The following NIPAL1 variants were observed in gnomAD, a reference collection of about 807,000 sequenced individuals.
The protein encoded by NIPAL1 is magnesium transporter NIPA3.
NIPAL1 carries 35 observed loss-of-function variants against 37.7 expected under a neutral mutation model. That is an observed-to-expected ratio of 0.93 (90% confidence interval 0.71 to 1.23). The LOEUF is 1.23. Ranked by LOEUF, NIPAL1 falls within the 50% of genes most tolerant of loss-of-function variation. The pLI is 0.00. For synonymous variants in NIPAL1, 162 were observed against 183.0 expected (o/e 0.89, Z 0.93); for missense variants, 412 against 473.9 (o/e 0.87, Z 1.21).
At chr4:48,030,001 T>C (rs1715784621) in intron 2 of NIPAL1, 119 bp from the exon 3 acceptor site, 1 of 573,080 alleles carries the variant, frequency 1.7e-6, no homozygotes, top group East Asian at 3.0e-5. Flanking sequence ...TAAGAGACTT[T>C]AGATTTACTG....
chr4:48,035,292 C>G (rs921056159), intron 5 of NIPAL1, among the ~76,000 whole-genome samples: 1 of 152,172 alleles, frequency 6.6e-6, no homozygotes, highest in Non-Finnish European at 1.5e-5. Flanking sequence ...TATTCAAAAT[C>G]AAATCTTTGC....
At chr4:48,029,471 T>A (rs1577625472) in intron 2 of NIPAL1, among the ~76,000 whole-genome samples, 1 of 152,308 alleles carries the variant, frequency 6.6e-6, no homozygotes, top group South Asian at 2.1e-4. Flanking sequence ...AAATACTACC[T>A]GTTGGGTTCA....
Position 48,039,052 on chromosome 4 carries a change from CT to C in NIPAL1, c.*2881del, listed in dbSNP as rs1209682871. The stretch of plus-strand genomic sequence containing the variant: ...AAAAAATGTTGTTGCAAATCTAACA[CT>C]AAAAAATTTTTGACTGGGTGCAGTG... On this transcript the variant is annotated 3_prime_UTR_variant, in exon 6 of 6. Coordinates refer to ENST00000295461, the MANE Select transcript of NIPAL1 (RefSeq NM_207330.3). The C allele has an allele frequency of 1.3e-5, 2 of 152,088 alleles. No homozygotes were observed. The highest frequency in any genetic ancestry group is 4.8e-5 in the African/African-American group (2 of 41,482). The allele number at this position is 152,088 out of a possible 1,614,324, so 9.4% of individuals were successfully genotyped here.
At chr4:48,023,046 T>C (rs897607439) in intron 1 of NIPAL1, among the ~76,000 whole-genome samples, 4 of 152,086 alleles carry the variant, frequency 2.6e-5, no homozygotes, top group Non-Finnish European at 5.9e-5. Context: ...ACTTTGAGTT[T>C]ATTCTGGATT....
chr4:48,018,930 C>G (rs1205642107), intron 1 of NIPAL1, among the ~76,000 whole-genome samples: 1 of 152,192 alleles, frequency 6.6e-6, no homozygotes, highest in Non-Finnish European at 1.5e-5. Flanking sequence ...AGCTGAGACC[C>G]AAATGACAAG....
At chr4:48,023,684 G>C (rs1049538900) in intron 1 of NIPAL1, among the ~76,000 whole-genome samples, 5 of 152,034 alleles carry the variant, frequency 3.3e-5, no homozygotes, top group Admixed American at 6.6e-5. Flanking sequence ...AGTGTAAAAC[G>C]TTTTCATTTT....
At chr4:48,020,143 C>A (rs778849957) in intron 1 of NIPAL1, among the ~76,000 whole-genome samples, 1 of 152,070 alleles carries the variant, frequency 6.6e-6, no homozygotes, top group Non-Finnish European at 1.5e-5. Context: ...GTACACCATA[C>A]ATATTTGTTG....
In NIPAL1 at chr4:48,016,872, G is replaced by C. The variant is rs1296649346; in HGVS notation, c.33G>C (p.Glu11Asp). 13 of 1,595,288 alleles carry C rather than the reference G, an allele frequency of 8.1e-6. No homozygotes were observed. The highest frequency in any genetic ancestry group is 1.1e-5 in the Non-Finnish European group (13 of 1,173,570). MGAQVRLPPG[E>D]PCREGYVLSL... ...CACAGGTGAGGCTGCCGCCCGGAGA[G>C]CCCTGCCGAGAAGGTTTGTGTCTGC... is the stretch of plus-strand genomic sequence containing the variant. The change falls in exon 1 of 6, where the codon GAG (glutamate) becomes GAC (aspartate). Residue 11 changes from glutamate to aspartate, a missense_variant. Glu to Asp is a conservative substitution (Grantham distance 45). Transcript: ENST00000295461.
chr4:48,032,864 C>T (rs898751478), intron 3 of NIPAL1, 129 bp from the exon 4 acceptor site: 3 of 590,612 alleles, frequency 5.1e-6, no homozygotes, highest in Non-Finnish European at 3.1e-6. Context: ...AAACATGTTA[C>T]ATCATTCTTT....
Position 48,035,603 on chromosome 4 carries a change from G to C in NIPAL1, c.664G>C (p.Val222Leu). Residue 222 changes from valine to leucine, a missense_variant, in exon 6 of 6, where the codon GTG (valine) becomes CTG (leucine). Val to Leu is a conservative substitution (Grantham distance 32). Coordinates refer to ENST00000295461, the MANE Select transcript of NIPAL1 (RefSeq NM_207330.3). Reference sequence around the variant, plus strand: ...TGTGATCATAACTGTGATCTCCTTGGTGCTGATTTTGATTGTGGCTCCCAA... The same window carrying C: ...TGTGATCATAACTGTGATCTCCTTGCTGCTGATTTTGATTGTGGCTCCCAA... ...FAVIITVISLVLILIVAPKKG... is the reference protein window; with the variant it reads ...FAVIITVISLLLILIVAPKKG... 6.2e-7 allele frequency: 1 copy of C among 1,613,262 alleles called. No homozygotes were observed. Among genetic ancestry groups the C allele is most frequent in the Non-Finnish European group, 8.5e-7 (1 of 1,179,678 alleles).
In NIPAL1 at chr4:48,039,586, A is replaced by T. The variant is rs1716035615; in HGVS notation, c.*3414A>T. 1 of 152,236 alleles carries T rather than the reference A, an allele frequency of 6.6e-6. No homozygotes were observed. Among genetic ancestry groups the T allele is most frequent in the South Asian group, 2.1e-4 (1 of 4,836 alleles). The allele number at this position is 152,236 out of a possible 1,614,324, so 9.4% of individuals were successfully genotyped here. A position where few individuals can be genotyped will look rare whatever the true frequency, so the allele number is the denominator to read the frequency against. On this transcript the variant is annotated 3_prime_UTR_variant, in exon 6 of 6. Coordinates refer to ENST00000295461, the MANE Select transcript of NIPAL1 (RefSeq NM_207330.3). ...TACTTCTGTAAAGATAAGTTTCATT[A>T]TACTTTTGTCTTACAATTTTATTCT...
chr4:48,016,997 C>A (rs938382332), intron 1 of NIPAL1, 112 bp downstream of exon 1: 27 of 849,172 alleles, frequency 3.2e-5, no homozygotes, highest in Non-Finnish European at 4.5e-5. Flanking sequence ...CGACTCTAAA[C>A]GTAGTCGTTC....
At chr4:48,030,521 A>T (rs1507923) in intron 3 of NIPAL1, among the ~76,000 whole-genome samples, 146,782 of 152,214 alleles carry the variant, frequency 0.96, 71,012 homozygotes, top group Middle Eastern at 1. Context: ...CCTCCTAATT[A>T]GAACAACTAT....
rs1418922801 is a variant in NIPAL1 at position 48,027,611 on chromosome 4, C to T, written c.313+2277C>T. 6.6e-6 allele frequency among the ~76,000 whole-genome samples: 1 copy of T among 152,124 alleles called. No homozygotes were observed. Among genetic ancestry groups the T allele is most frequent in the Non-Finnish European group, 1.5e-5 (1 of 68,012 alleles). On this transcript the variant is annotated intron_variant, in intron 2 of 5. Coordinates refer to ENST00000295461, the MANE Select transcript of NIPAL1 (RefSeq NM_207330.3). The surrounding 1 kb of genome is among the most constrained non-coding windows in gnomAD (Gnocchi z 4.1). Reference sequence around the variant, plus strand: ...AAAATAGTCTTCATAGCTTATATATCCTGTTTAATTATAACAAAATCAATT... The same window carrying T: ...AAAATAGTCTTCATAGCTTATATATTCTGTTTAATTATAACAAAATCAATT...
chr4:48,019,710 A>G (rs569538258), intron 1 of NIPAL1, among the ~76,000 whole-genome samples: 1 of 152,362 alleles, frequency 6.6e-6, no homozygotes, highest in Admixed American at 6.5e-5. Flanking sequence ...CTTATAGGCT[A>G]TAGTGGGAAT....
At position 48,033,053 on chromosome 4, in the gene NIPAL1, C is replaced by G; in HGVS notation, c.431C>G (p.Thr144Ser). The change falls in exon 4 of 6, where the codon ACC (threonine) becomes AGC (serine). Residue 144 changes from threonine to serine, a missense_variant. By Grantham distance (58) the Thr-to-Ser change is moderately conservative. Transcript: ENST00000295461. ...AYAFAPATLV[T>S]PLGALSVLIS... ...GCTTTTGCACCTGCCACCTTGGTCA[C>G]CCCTCTGGGTGCTTTGAGTGTTCTC... 6.2e-7 allele frequency: 1 copy of G among 1,613,788 alleles called. No homozygotes were observed. The highest frequency in any genetic ancestry group is 1.1e-5 in the South Asian group (1 of 91,062).
chr4:48,033,349 T>C (rs931535910), intron 4 of NIPAL1, among the ~76,000 whole-genome samples: 6 of 152,174 alleles, frequency 3.9e-5, no homozygotes, highest in African/African-American at 4.8e-5. Flanking sequence ...GAGAAGACTA[T>C]AAAATAACAG....
At chr4:48,018,942 G>C (rs1488166042) in intron 1 of NIPAL1, among the ~76,000 whole-genome samples, 1 of 152,182 alleles carries the variant, frequency 6.6e-6, no homozygotes, top group South Asian at 2.1e-4. Context: ...AATGACAAGG[G>C]GTCAGTCATG....
At chr4:48,023,249 T>C (rs1715616283) in intron 1 of NIPAL1, among the ~76,000 whole-genome samples, 1 of 152,132 alleles carries the variant, frequency 6.6e-6, no homozygotes, top group Non-Finnish European at 1.5e-5. Context: ...ATTTTCAAAT[T>C]ACAGAGATAA....
Sources: gnomAD v4.1 joint callset for allele counts (sites outside exome capture counted in the v4.1 genomes callset) on GRCh38, gnomAD v4.1.1 for gene constraint, Gnocchi (gnomAD v3.1) non-coding constraint, MANE v1.5 for transcripts, NCBI Gene and HGNC (gene_info 2026-07-23, HGNC 2026-07-21) for gene names.